Variants in DCAF1 observed in about 807,000 individuals in gnomAD.
The protein encoded by DCAF1 is DDB1- and CUL4-associated factor 1.
Under a neutral mutation model 128.0 loss-of-function variants are expected in DCAF1, and 15 were observed. The ratio of observed to expected loss-of-function variants is 0.12; its 90% CI spans 0.08 to 0.18. DCAF1 has a LOEUF of 0.18. Ranked by LOEUF, DCAF1 falls within the 10% of genes least tolerant of loss-of-function variation. The probability of loss-of-function intolerance (pLI) is 1.00; values close to 1 mark genes in which losing one functional copy is unlikely to be tolerated. For missense variants in DCAF1, 988 were observed against 1,649.5 expected (o/e 0.60, Z 6.95); for synonymous variants, 610 against 603.0 (o/e 1.01, Z -0.17).
At chr3:51,467,189 A>G (rs1317207928) in intron 4 of DCAF1, among the ~76,000 whole-genome samples, 1 of 152,054 alleles carries the variant, frequency 6.6e-6, no homozygotes, top group East Asian at 1.9e-4. Flanking sequence ...AAAATTAGCC[A>G]GGTGCAGTGG....
chr3:51,485,042 A>C (rs550929145), intron 2 of DCAF1, among the ~76,000 whole-genome samples: 1 of 152,130 alleles, frequency 6.6e-6, no homozygotes, highest in Admixed American at 6.6e-5. Flanking sequence ...CAGCCTCCCA[A>C]GTAGCTAGGA....
At chr3:51,417,744 AAAAGGAAAGG>A (rs1207779674) in intron 17 of DCAF1, among the ~76,000 whole-genome samples, 4 of 147,626 alleles carry the variant, frequency 2.7e-5, no homozygotes, top group Non-Finnish European at 3.1e-5. Context: ...AAAGAAAAAA[AAAAGGAAAGG>A]AAAGGAAAGG....
chr3:51,450,830 A>G (rs1348634686), intron 6 of DCAF1, among the ~76,000 whole-genome samples: 15 of 152,114 alleles, frequency 9.9e-5, no homozygotes, highest in African/African-American at 3.6e-4. Context: ...TGGAAGTTCT[A>G]GTGAGAGTAA....
chr3:51,451,578 T>C (rs978328758), intron 6 of DCAF1, among the ~76,000 whole-genome samples: 1 of 152,118 alleles, frequency 6.6e-6, no homozygotes. Context: ...CTGGCTAACA[T>C]GGTGAAACCC....
chr3:51,419,286 A>G (rs909452047), intron 15 of DCAF1, among the ~76,000 whole-genome samples: 1 of 151,920 alleles, frequency 6.6e-6, no homozygotes, highest in Non-Finnish European at 1.5e-5. Flanking sequence ...ACTCGAACCT[A>G]GGAGGCAGAG....
At chr3:51,416,905 G>A (rs374432545) in intron 17 of DCAF1, 34 bp from the exon 18 acceptor site, 1 of 1,580,050 alleles carries the variant, frequency 6.3e-7, no homozygotes, top group African/African-American at 1.3e-5. Context: ...TGAAGTGACA[G>A]ATCTTCAGGA....
chr3:51,496,535 T>C (rs565997645), intron 2 of DCAF1, among the ~76,000 whole-genome samples, 199 bp downstream of exon 2: 1 of 151,968 alleles, frequency 6.6e-6, no homozygotes, highest in African/African-American at 2.4e-5. Context: ...GGTGACACGG[T>C]AGTTACCAAT....
chr3:51,444,991 A>T lies in DCAF1; in HGVS notation c.376-1088T>A, dbSNP rs117114884. On this transcript the variant is annotated intron_variant, in intron 6 of 24. Transcript: ENST00000684031. ...TGCCCGGCCCCCAAACTTATTTTTA[A>T]TTACATTTTATTATGAAATATAATA... is the stretch of plus-strand genomic sequence containing the variant. Among the ~76,000 whole-genome samples the T allele has an allele frequency of 1.4e-3, 214 of 152,290 alleles. 6 individuals are homozygous for T. The East Asian group carries it at 0.039, about 27-fold the overall frequency.
rs782117372 is a variant in DCAF1, at chr3:51,425,559, C to CTTTTT, written c.1847+1808_1847+1812dup. ...TTCTAGTTATCTTGTAAGCTGTCAT[C>CTTTTT]TTTTTTTTTTTTTTTTTTTTGGAGA... On this transcript the variant is annotated intron_variant, in intron 13 of 24. Transcript: ENST00000684031. Among the ~76,000 whole-genome samples, 67 of 96,826 alleles carry CTTTTT rather than the reference C, an allele frequency of 6.9e-4. 6 individuals are homozygous for CTTTTT. The highest frequency in any genetic ancestry group is 8.4e-4 in the Non-Finnish European group (45 of 53,606). 63.5% of individuals were successfully genotyped at this position (96,826 alleles called of 152,430 possible).
intron 2 of DCAF1, among the ~76,000 whole-genome samples, chr3:51,490,503 T>C (rs1316362250): frequency 6.6e-6 from 1 of 152,222 alleles, no homozygotes; most frequent in African/African-American, 2.4e-5. Flanking sequence ...AGTCAATTCA[T>C]GATGACCTAA....
At chr3:51,418,991 A>G (rs1294274697) in intron 15 of DCAF1, 115 bp from the exon 16 acceptor site, 5 of 1,398,888 alleles carry the variant, frequency 3.6e-6, no homozygotes, top group Non-Finnish European at 3.7e-6. Flanking sequence ...GGCTTCTTCC[A>G]AAATCACAGT....
intron 2 of DCAF1, among the ~76,000 whole-genome samples, chr3:51,484,176 C>G (rs1706630357): frequency 6.6e-6 from 1 of 152,088 alleles, no homozygotes; most frequent in African/African-American, 2.4e-5. Context: ...TTTCCCTCAT[C>G]AAAAATGCAT....
intron 3 of DCAF1, among the ~76,000 whole-genome samples, chr3:51,476,958 C>CA: frequency 6.6e-6 from 1 of 151,528 alleles, no homozygotes; most frequent in Non-Finnish European, 1.5e-5. Flanking sequence ...TGGTGGTGGG[C>CA]ACCTAATCCC....
intron 13 of DCAF1, among the ~76,000 whole-genome samples, chr3:51,424,744 G>C (rs1381828568): frequency 4.6e-5 from 7 of 152,164 alleles, no homozygotes; most frequent in Admixed American, 4.6e-4. Context: ...AGCTGTGAAA[G>C]ATGAACTTAG....
chr3:51,461,828 C>T (rs1453303913), intron 6 of DCAF1, among the ~76,000 whole-genome samples: 4 of 151,940 alleles, frequency 2.6e-5, no homozygotes, highest in Non-Finnish European at 5.9e-5. Flanking sequence ...AACCAAACAC[C>T]GCATGTTCTC....
At chr3:51,444,240 G>A (rs1701629903) in intron 6 of DCAF1, among the ~76,000 whole-genome samples, 1 of 152,026 alleles carries the variant, frequency 6.6e-6, no homozygotes, top group Non-Finnish European at 1.5e-5. Flanking sequence ...ATGATCAACT[G>A]GGGATCACTG....
At chr3:51,426,271 G>A (rs972281237) in intron 13 of DCAF1, among the ~76,000 whole-genome samples, 1 of 151,852 alleles carries the variant, frequency 6.6e-6, no homozygotes, top group East Asian at 1.9e-4. Context: ...GTACAGTGGC[G>A]TGATCTCAGC....
chr3:51,456,022 C>T (rs782360706), intron 6 of DCAF1, among the ~76,000 whole-genome samples: 9 of 152,200 alleles, frequency 5.9e-5, no homozygotes, highest in Non-Finnish European at 1.3e-4. Flanking sequence ...AACTGAGCTA[C>T]CGGGTTCATC....
chr3:51,418,578 T>C, intron 16 of DCAF1, 100 bp downstream of exon 16: 2 of 1,498,292 alleles, frequency 1.3e-6, no homozygotes, highest in Non-Finnish European at 1.8e-6. Flanking sequence ...TGAGGACTCA[T>C]TTAAAAGAGA....
Sources: allele counts gnomAD v4.1 joint callset (sites outside exome capture counted in the v4.1 genomes callset), GRCh38; gene constraint gnomAD v4.1.1; transcripts MANE v1.5; gene names NCBI Gene and HGNC (gene_info 2026-07-23, HGNC 2026-07-21).